Variants in CDK5RAP1 observed in about 807,000 individuals in gnomAD.
CDK5RAP1 encodes the protein mitochondrial tRNA methylthiotransferase CDK5RAP1.
CDK5RAP1 carries 62 observed loss-of-function variants against 64.5 expected under a neutral mutation model. The ratio of observed to expected loss-of-function variants is 0.96; its 90% CI spans 0.78 to 1.19. The LOEUF is 1.19. Ranked by LOEUF, CDK5RAP1 falls within the 50% of genes most tolerant of loss-of-function variation. CDK5RAP1 has a pLI of 0.00. For missense variants in CDK5RAP1, 657 were observed against 735.0 expected (o/e 0.89, Z 1.23); for synonymous variants, 250 against 261.9 (o/e 0.95, Z 0.44).
chr20:33,374,022 A>G, intron 9 of CDK5RAP1, 93 bp downstream of exon 9: 1 of 842,042 alleles, frequency 1.2e-6, no homozygotes, highest in South Asian at 1.4e-5. Context: ...TTTGTGCCAC[A>G]CACTATGCTA....
chr20:33,365,542 G>C (rs887128367), intron 12 of CDK5RAP1, among the ~76,000 whole-genome samples: 2 of 148,954 alleles, frequency 1.3e-5, no homozygotes, highest in Non-Finnish European at 3.0e-5. Context: ...AAAGTGCTGG[G>C]ATTACAGGCA....
At chr20:33,361,289 T>C (rs1244418417) in intron 12 of CDK5RAP1, among the ~76,000 whole-genome samples, 1 of 152,156 alleles carries the variant, frequency 6.6e-6, no homozygotes, top group Non-Finnish European at 1.5e-5. Context: ...GAGGGATCAA[T>C]GTTCAGGGAG....
chr20:33,386,435 A>T (rs2146679457), intron 6 of CDK5RAP1, among the ~76,000 whole-genome samples: 1 of 152,266 alleles, frequency 6.6e-6, no homozygotes. Flanking sequence ...TGAGTATATT[A>T]TCTGAACTTT....
At chr20:33,368,296 T>A (rs537969692) in intron 11 of CDK5RAP1, among the ~76,000 whole-genome samples, 2 of 151,268 alleles carry the variant, frequency 1.3e-5, no homozygotes, top group Non-Finnish European at 2.9e-5. Context: ...ATCCCTAGGA[T>A]TTTTTTTTCT....
intron 1 of CDK5RAP1, among the ~76,000 whole-genome samples, chr20:33,401,037 T>C (rs1006427354): frequency 2.6e-5 from 4 of 152,224 alleles, no homozygotes; most frequent in African/African-American, 9.6e-5. Context: ...ATTCTGACAG[T>C]CGGCAATGAG....
Position 33,384,126 on chromosome 20 carries a change from T to C in CDK5RAP1, c.876+1524A>G, listed in dbSNP as rs1987122769. Among the ~76,000 whole-genome samples, 4 of 152,174 alleles carry C rather than the reference T, an allele frequency of 2.6e-5. No homozygotes were observed. In the South Asian group the frequency reaches 8.3e-4, roughly 31 times the overall value. On this transcript the variant is annotated intron_variant, in intron 7 of 13. Coordinates refer to ENST00000346416, the MANE Select transcript of CDK5RAP1 (RefSeq NM_016408.4). ...AACGGACATTCTGTTAAAGGTACAA[T>C]ATTCTATACTCTTTGCAACTGTAGT...
intron 11 of CDK5RAP1, among the ~76,000 whole-genome samples, chr20:33,369,115 G>A (rs1188218486): frequency 6.6e-6 from 1 of 151,846 alleles, no homozygotes; most frequent in Non-Finnish European, 1.5e-5. Flanking sequence ...CCTCCAGCCT[G>A]GTGACAGAGC....
chr20:33,359,199 G>A, intron 13 of CDK5RAP1, 76 bp from the exon 14 acceptor site: 1 of 1,115,652 alleles, frequency 9.0e-7, no homozygotes, highest in East Asian at 2.3e-5. Flanking sequence ...GCCTCTAGAG[G>A]AGAAGCCCCC....
intron 9 of CDK5RAP1, chr20:33,372,981 C>T (rs1253410191): frequency 1.6e-5 from 4 of 247,036 alleles, no homozygotes; most frequent in Admixed American, 5.8e-5. Context: ...GGCACAATCT[C>T]GGTTCACTGC....
At chr20:33,359,276 G>T (rs1982465430) in intron 13 of CDK5RAP1, 153 bp from the exon 14 acceptor site, 1 of 610,696 alleles carries the variant, frequency 1.6e-6, no homozygotes, top group Non-Finnish European at 2.9e-6. Flanking sequence ...CCCGATCCTG[G>T]CAGGAAGCGA....
chr20:33,370,386 G>T, intron 11 of CDK5RAP1, 113 bp downstream of exon 11: 1 of 1,061,206 alleles, frequency 9.4e-7, no homozygotes, highest in Non-Finnish European at 1.4e-6. Flanking sequence ...GTAAGAGCCT[G>T]TGGTTTCTCA....
At chr20:33,389,685 C>G (rs951049681) in intron 5 of CDK5RAP1, among the ~76,000 whole-genome samples, 6 of 151,924 alleles carry the variant, frequency 3.9e-5, no homozygotes, top group African/African-American at 1.5e-4. Context: ...TCTGCCCGGC[C>G]GCCACCCCGT....
chr20:33,389,386 G>A (rs879296784), intron 5 of CDK5RAP1, among the ~76,000 whole-genome samples: 9 of 150,696 alleles, frequency 6.0e-5, no homozygotes, highest in Non-Finnish European at 8.9e-5. Context: ...CCCTCCGCGC[G>A]GCAGCCGCCC....
At chr20:33,399,921 G>A (rs1046585324) in intron 1 of CDK5RAP1, among the ~76,000 whole-genome samples, 8 of 152,148 alleles carry the variant, frequency 5.3e-5, no homozygotes, top group African/African-American at 1.9e-4. Flanking sequence ...GTATGTGCCT[G>A]TAATCCCAGC....
chr20:33,392,942 C>T (rs1025182284), intron 4 of CDK5RAP1, among the ~76,000 whole-genome samples: 1 of 151,470 alleles, frequency 6.6e-6, no homozygotes, highest in Non-Finnish European at 1.5e-5. Context: ...TGCAACAGCG[C>T]GATCTCGGCT....
chr20:33,385,839 T>C, intron 6 of CDK5RAP1, 69 bp from the exon 7 acceptor site: 1 of 1,416,772 alleles, frequency 7.1e-7, no homozygotes, highest in South Asian at 1.4e-5. Flanking sequence ...GGAGCAGGAC[T>C]CAGCTTCAAT....
intron 3 of CDK5RAP1, 98 bp from the exon 4 acceptor site, chr20:33,394,164 C>CTT (rs372212431): frequency 1.1e-3 from 733 of 670,752 alleles, no homozygotes; most frequent in Non-Finnish European, 1.2e-3. Flanking sequence ...TTTTTTTTTC[C>CTT]TTTTTTTTTT....
At chr20:33,394,372 G>A (rs750741979) in intron 3 of CDK5RAP1, among the ~76,000 whole-genome samples, 5 of 151,484 alleles carry the variant, frequency 3.3e-5, no homozygotes, top group Non-Finnish European at 7.4e-5. Flanking sequence ...AGCTGGTCTC[G>A]AACTCCTGAC....
chr20:33,366,923 C>T lies in CDK5RAP1; in HGVS notation c.1478G>A (p.Arg493Gln), dbSNP rs979194165. 2.5e-6 allele frequency: 4 copies of T among 1,613,950 alleles called. No individual in the cohort carries two copies. The highest frequency in any genetic ancestry group is 1.3e-5 in the African/African-American group (1 of 74,962). ...CTGATTGGCTTTTGTTGCTTCTTCT[C>T]GGAAGATAGTGATGAGTTCCTCCAA... ...RRLEELITIF[R>Q]EEATKANQTS... is the part of the protein sequence containing the mutation. Residue 493 changes from arginine to glutamine, a missense_variant, in exon 12 of 14, where the codon CGA (arginine) becomes CAA (glutamine). By Grantham distance (43) the Arg-to-Gln change is conservative (BLOSUM62 1). Transcript: ENST00000346416.
Sources: allele counts gnomAD v4.1 joint callset (sites outside exome capture counted in the v4.1 genomes callset), GRCh38; gene constraint gnomAD v4.1.1; transcripts MANE v1.5; gene names NCBI Gene and HGNC (gene_info 2026-07-23, HGNC 2026-07-21).